The following SWAP70 variants were observed in gnomAD, a reference collection of about 807,000 sequenced individuals.
The protein encoded by SWAP70 is switch-associated protein 70.
SWAP70 carries 34 observed loss-of-function variants against 80.2 expected under a neutral mutation model. The observed-to-expected ratio is 0.42, with a 90% CI of 0.32 to 0.56. The LOEUF is 0.56. SWAP70 is among the 20% of genes least tolerant of loss of function. SWAP70 has a pLI of 0.09. For missense variants in SWAP70, 578 were observed against 690.7 expected (o/e 0.84, Z 1.83); for synonymous variants, 239 against 238.5 (o/e 1.00, Z -0.02).
At chr11:9,690,105 C>T (rs1410910492) in intron 1 of SWAP70, among the ~76,000 whole-genome samples, 2 of 152,146 alleles carry the variant, frequency 1.3e-5, no homozygotes, top group Non-Finnish European at 2.9e-5. Flanking sequence ...GCCTCTTCGT[C>T]TGTAAAATAG....
At chr11:9,717,156 A>G (rs1226525444) in intron 3 of SWAP70, among the ~76,000 whole-genome samples, 2 of 152,146 alleles carry the variant, frequency 1.3e-5, no homozygotes, top group South Asian at 2.1e-4. Flanking sequence ...CTTAATAACA[A>G]TGATGTAATC....
intron 6 of SWAP70, among the ~76,000 whole-genome samples, chr11:9,730,000 A>C (rs1350801585): frequency 6.6e-6 from 1 of 152,210 alleles, no homozygotes; most frequent in Admixed American, 6.5e-5. Context: ...TGGGGTTGCA[A>C]GTATAGTTCT....
chr11:9,752,815 C>T lies in SWAP70; in HGVS notation c.*2845C>T, dbSNP rs1171749531. 2.0e-5 allele frequency: 3 copies of T among 152,078 alleles called. No individual in the cohort carries two copies. Among genetic ancestry groups the T allele is most frequent in the Admixed American group, 1.3e-4 (2 of 15,270 alleles). The allele number at this position is 152,078 out of a possible 1,614,324, so 9.4% of individuals were successfully genotyped here. ...CAAATATTTATGATTTTAAAACATT[C>T]GTATGAAAACATTGTACAATGTAAT... On this transcript the variant is annotated 3_prime_UTR_variant, in exon 12 of 12. Coordinates refer to ENST00000318950, the MANE Select transcript of SWAP70 (RefSeq NM_015055.4).
chr11:9,670,662 T>A (rs1054346033), intron 1 of SWAP70, among the ~76,000 whole-genome samples: 7 of 152,062 alleles, frequency 4.6e-5, no homozygotes, highest in Non-Finnish European at 7.4e-5. Flanking sequence ...AAGAACCCCT[T>A]TGGGGCAACG....
chr11:9,722,562 A>G (rs1177989521), intron 3 of SWAP70, among the ~76,000 whole-genome samples: 1 of 152,184 alleles, frequency 6.6e-6, no homozygotes, highest in African/African-American at 2.4e-5. Flanking sequence ...CATTTCTAAC[A>G]AGCTTCCAGG....
intron 2 of SWAP70, among the ~76,000 whole-genome samples, chr11:9,703,088 C>T (rs2134457661): frequency 6.6e-6 from 1 of 152,230 alleles, no homozygotes; most frequent in South Asian, 2.1e-4. Flanking sequence ...CAATCACTCC[C>T]TCTCCCCTAT....
intron 1 of SWAP70, among the ~76,000 whole-genome samples, chr11:9,691,018 C>T (rs1471378962): frequency 6.6e-6 from 1 of 152,068 alleles, no homozygotes; most frequent in Non-Finnish European, 1.5e-5. Context: ...GATCCTCCCA[C>T]CTCAGCCTCC....
chr11:9,740,770 A>C (rs1851426491), intron 9 of SWAP70: 2 of 197,060 alleles, frequency 1.0e-5, no homozygotes, highest in Non-Finnish European at 2.1e-5. Context: ...TAAGGAAGAA[A>C]TATGCAGTTT....
chr11:9,746,858 T>G (rs1392800760), intron 9 of SWAP70, among the ~76,000 whole-genome samples: 4 of 152,256 alleles, frequency 2.6e-5, no homozygotes, highest in Non-Finnish European at 5.9e-5. Flanking sequence ...CTGAGTTGAA[T>G]AACAACCTTG....
intron 3 of SWAP70, among the ~76,000 whole-genome samples, chr11:9,714,767 C>G (rs1002644846): frequency 9.3e-5 from 14 of 149,982 alleles, no homozygotes; most frequent in Non-Finnish European, 1.6e-4. Context: ...AGGATGCTTA[C>G]TTAGAAACAG....
chr11:9,698,682 G>A (rs991015901), intron 2 of SWAP70, among the ~76,000 whole-genome samples: 2 of 152,176 alleles, frequency 1.3e-5, no homozygotes, highest in South Asian at 4.1e-4. Context: ...TGGGATTATA[G>A]GTGTGAGCCA....
chr11:9,692,186 T>C (rs1850704863), intron 1 of SWAP70, among the ~76,000 whole-genome samples: 1 of 148,692 alleles, frequency 6.7e-6, no homozygotes. Context: ...ATAAATAGAT[T>C]GATCTATGTG....
At chr11:9,671,463 TATAAATATATAA>T (rs1318460013) in intron 1 of SWAP70, among the ~76,000 whole-genome samples, 2 of 102,022 alleles carry the variant, frequency 2.0e-5, no homozygotes, top group African/African-American at 8.1e-5. Flanking sequence ...TAAATATATA[TATAAATATATAA>T]AAGTATATTT....
intron 9 of SWAP70, among the ~76,000 whole-genome samples, chr11:9,747,211 A>G (rs1851523298): frequency 6.6e-6 from 1 of 152,070 alleles, no homozygotes; most frequent in South Asian, 2.1e-4. Context: ...ATACTTTTAA[A>G]CCCTTTGGTT....
chr11:9,677,653 T>C (rs952881534), intron 1 of SWAP70, among the ~76,000 whole-genome samples: 10 of 152,212 alleles, frequency 6.6e-5, no homozygotes, highest in Non-Finnish European at 1.2e-4. Flanking sequence ...TTTGCAGTTA[T>C]GGTTGCAGGG....
rs1277834338 is a variant in SWAP70 at position 9,724,719 on chromosome 11, T to A, written c.476T>A (p.Phe159Tyr). Residue 159 changes from phenylalanine to tyrosine, a missense_variant, in exon 4 of 12, where the codon TTT becomes TAT. Physicochemically the swap from Phe to Tyr is conservative, Grantham distance 22 (BLOSUM62 3). Transcript: ENST00000318950. ...AMGGGWQQEQFEHYKINFDDS... is the reference protein window; with the variant it reads ...AMGGGWQQEQYEHYKINFDDS... The stretch of plus-strand genomic sequence containing the variant: ...GGAGGAGGTTGGCAGCAAGAACAAT[T>A]TGAACATTATAAAATCAACTTTGAT... 6.2e-7 allele frequency: 1 copy of A among 1,614,140 alleles called. No individual in the cohort carries two copies. Among genetic ancestry groups the A allele is most frequent in the Non-Finnish European group, 8.5e-7 (1 of 1,180,020 alleles).
At chr11:9,742,465 T>TAGC (rs1166089991) in intron 9 of SWAP70, among the ~76,000 whole-genome samples, 1 of 151,810 alleles carries the variant, frequency 6.6e-6, no homozygotes, top group African/African-American at 2.4e-5. Context: ...GCCTCCCGAG[T>TAGC]AGCTGGGAGT....
intron 1 of SWAP70, among the ~76,000 whole-genome samples, chr11:9,671,093 A>T (rs1337668078): frequency 7.1e-6 from 1 of 140,834 alleles, no homozygotes; most frequent in African/African-American, 2.6e-5. Flanking sequence ...ATATAAATAT[A>T]TATAAATATA....
chr11:9,722,832 C>T lies in SWAP70; in HGVS notation c.415-1826C>T, dbSNP rs548311460. Among the ~76,000 whole-genome samples, 6 of 152,230 alleles carry T rather than the reference C, an allele frequency of 3.9e-5. No homozygotes were observed. In the East Asian group the frequency reaches 9.6e-4, roughly 24 times the overall value. On this transcript the variant is annotated intron_variant, in intron 3 of 11. Transcript: ENST00000318950. ...AGCCTATATTTGCGTGGCACATGTGCTAAGGAATAGTTTTTATATTTCTAA... is the reference window on the plus strand; with the variant it reads ...AGCCTATATTTGCGTGGCACATGTGTTAAGGAATAGTTTTTATATTTCTAA...
Sources: allele counts gnomAD v4.1 joint callset (sites outside exome capture counted in the v4.1 genomes callset), GRCh38; gene constraint gnomAD v4.1.1; transcripts MANE v1.5; gene names NCBI Gene and HGNC (gene_info 2026-07-23, HGNC 2026-07-21).